The following CNTN4 variants were observed in gnomAD, a reference collection of about 807,000 sequenced individuals.
CNTN4 encodes contactin-4.
In CNTN4, 77 loss-of-function variants were observed where a neutral mutation model predicts 122.5. The observed-to-expected ratio is 0.63, with a 90% CI of 0.52 to 0.76. The LOEUF (loss-of-function observed/expected upper bound fraction) is 0.76. Ranked by LOEUF, CNTN4 falls within the 30% of genes least tolerant of loss-of-function variation. The pLI, the probability that CNTN4 is intolerant of heterozygous loss-of-function variation, is 0.00. For synonymous variants in CNTN4, 512 were observed against 447.0 expected, an observed-to-expected ratio of 1.15 and a Z score of -1.83; for missense variants, 1,256 against 1,259.1, an observed-to-expected ratio of 1.00 and a Z score of 0.04.
chr3:2,258,216 C>A (rs1559386129), intron 2 of CNTN4, among the ~76,000 whole-genome samples: 1 of 152,120 alleles, frequency 6.6e-6, no homozygotes, highest in Non-Finnish European at 1.5e-5. Flanking sequence ...CCAGAAACAC[C>A]ATTTAACCCA....
chr3:2,767,412 T>G (rs906515021), intron 6 of CNTN4, among the ~76,000 whole-genome samples: 2 of 152,250 alleles, frequency 1.3e-5, no homozygotes, highest in African/African-American at 2.4e-5. Flanking sequence ...TTTTTGTGAT[T>G]GATTTTTAAA....
intron 4 of CNTN4, among the ~76,000 whole-genome samples, chr3:2,588,227 A>G (rs1449616471): frequency 1.3e-5 from 2 of 152,170 alleles, no homozygotes; most frequent in East Asian, 3.9e-4. Context: ...CACCACAAGT[A>G]TAAGACTGTC....
intron 24 of CNTN4, among the ~76,000 whole-genome samples, chr3:3,055,906 C>A (rs901389442): frequency 6.6e-6 from 1 of 152,188 alleles, no homozygotes; most frequent in African/African-American, 2.4e-5. Flanking sequence ...CCTTACTTTA[C>A]AAATGCTTTG....
At chr3:2,795,761 C>A (rs2092156291) in intron 6 of CNTN4, among the ~76,000 whole-genome samples, 1 of 151,956 alleles carries the variant, frequency 6.6e-6, no homozygotes, top group South Asian at 2.1e-4. Flanking sequence ...ACCTGGTGAT[C>A]CACCCGCCTC....
chr3:2,170,168 A>G (rs1156800896), intron 2 of CNTN4, among the ~76,000 whole-genome samples: 3 of 145,404 alleles, frequency 2.1e-5, no homozygotes, highest in Admixed American at 6.7e-5. Flanking sequence ...AAAAATACAA[A>G]AAATTAGCCG....
Position 2,774,241 on chromosome 3 carries a change from A to G in CNTN4, c.358+28544A>G, listed in dbSNP as rs113426632. On this transcript the variant is annotated intron_variant, in intron 6 of 24. Transcript: ENST00000418658. ...GCACCACTGCACCCCAGCCTGAGTG[A>G]CAGAGCGAGACTCCATCTCAAAACA... 6.2e-3 allele frequency among the ~76,000 whole-genome samples: 937 copies of G among 152,114 alleles called. 5 individuals carry two copies. The highest frequency in any genetic ancestry group is 0.021 in the African/African-American group (870 of 41,504).
chr3:2,905,226 C>T (rs145914930), intron 12 of CNTN4, among the ~76,000 whole-genome samples: 21 of 152,220 alleles, frequency 1.4e-4, no homozygotes, highest in African/African-American at 4.6e-4. Context: ...TTAAGTTTCC[C>T]GACGCCAGCA....
chr3:2,834,131 A>T (rs1309022864), intron 7 of CNTN4, among the ~76,000 whole-genome samples: 1 of 151,776 alleles, frequency 6.6e-6, no homozygotes, highest in East Asian at 2.0e-4. Context: ...GCAACAGAGC[A>T]AGACTTCGTC....
chr3:2,168,459 T>G (rs1181328428), intron 2 of CNTN4, among the ~76,000 whole-genome samples: 1 of 152,110 alleles, frequency 6.6e-6, no homozygotes, highest in African/African-American at 2.4e-5. Flanking sequence ...AGATGTTTAC[T>G]GAGAGAGATT....
chr3:2,139,341 A>G (rs2034871809), intron 2 of CNTN4, among the ~76,000 whole-genome samples: 2 of 152,194 alleles, frequency 1.3e-5, no homozygotes, highest in South Asian at 2.1e-4. Context: ...AATTGAAATA[A>G]AATATTTTTT....
intron 2 of CNTN4, among the ~76,000 whole-genome samples, chr3:2,109,105 C>T (rs1358729219): frequency 6.6e-6 from 1 of 152,108 alleles, no homozygotes; most frequent in East Asian, 1.9e-4. Context: ...AGGATTAGTT[C>T]CTTTTTAGAA....
At chr3:2,695,440 A>G (rs185518256) in intron 4 of CNTN4, among the ~76,000 whole-genome samples, 58 of 152,288 alleles carry the variant, frequency 3.8e-4, no homozygotes, top group Non-Finnish European at 2.4e-4. Context: ...TTTTCAGACC[A>G]AGTATATAGA....
intron 3 of CNTN4, among the ~76,000 whole-genome samples, chr3:2,540,592 T>C (rs2077993617): frequency 6.6e-6 from 1 of 152,098 alleles, no homozygotes; most frequent in Admixed American, 6.6e-5. Flanking sequence ...GATTTATTCA[T>C]TGTCTATAGA....
At chr3:2,335,158 G>A (rs975047778) in intron 2 of CNTN4, among the ~76,000 whole-genome samples, 4 of 152,162 alleles carry the variant, frequency 2.6e-5, no homozygotes, top group African/African-American at 9.6e-5. Context: ...AGGGAGAGTC[G>A]TCTATTTATT....
intron 6 of CNTN4, among the ~76,000 whole-genome samples, chr3:2,767,267 G>T (rs568382379): frequency 1.3e-5 from 2 of 152,244 alleles, no homozygotes; most frequent in South Asian, 4.2e-4. Flanking sequence ...ATATTGATCT[G>T]GGGAGAGGGG....
At chr3:2,670,553 C>T (rs2084445201) in intron 4 of CNTN4, among the ~76,000 whole-genome samples, 1 of 146,090 alleles carries the variant, frequency 6.8e-6, no homozygotes, top group African/African-American at 2.5e-5. Context: ...ATCCAATTTG[C>T]CAGTCTGTGT....
At chr3:2,466,540 GATTC>G (rs2075503557) in intron 3 of CNTN4, among the ~76,000 whole-genome samples, 3 of 152,144 alleles carry the variant, frequency 2.0e-5, no homozygotes, top group Non-Finnish European at 4.4e-5. Flanking sequence ...GGACTGGAAT[GATTC>G]ATTCTTTCAG....
chr3:2,703,673 A>C (rs186654252), intron 4 of CNTN4, among the ~76,000 whole-genome samples: 150 of 152,256 alleles, frequency 9.9e-4, no homozygotes, highest in African/African-American at 3.5e-3. Context: ...GAAGTTATTA[A>C]CTTAAATAAA....
At chr3:2,458,865 T>TC (rs2049096821) in intron 3 of CNTN4, among the ~76,000 whole-genome samples, 1 of 152,270 alleles carries the variant, frequency 6.6e-6, no homozygotes, top group East Asian at 1.9e-4. Context: ...CTATCAAACT[T>TC]CCCCAAGCAC....
Sources: allele counts gnomAD v4.1 joint callset (sites outside exome capture counted in the v4.1 genomes callset), GRCh38; gene constraint gnomAD v4.1.1; transcripts MANE v1.5; gene names NCBI Gene and HGNC (gene_info 2026-07-23, HGNC 2026-07-21).